Variants in PLEKHG1 observed in about 807,000 individuals in gnomAD.
PLEKHG1 encodes the protein pleckstrin homology domain-containing family G member 1.
In PLEKHG1, 44 loss-of-function variants were observed where a neutral mutation model predicts 100.8. That is an observed-to-expected ratio of 0.44 (90% confidence interval 0.34 to 0.56). PLEKHG1 has a LOEUF of 0.56. PLEKHG1 is among the 20% of genes least tolerant of loss of function. PLEKHG1 has a pLI of 0.01. For missense variants in PLEKHG1, 1,545 were observed against 1,720.9 expected (o/e 0.90, Z 1.81); for synonymous variants, 640 against 662.5 (o/e 0.97, Z 0.52).
chr6:150,604,783 T>C (rs919561622), intron 1 of PLEKHG1, among the ~76,000 whole-genome samples: 3 of 152,216 alleles, frequency 2.0e-5, no homozygotes, highest in Admixed American at 6.5e-5. Context: ...CATTCTACTT[T>C]GAGTTAGATG....
At chr6:150,809,801 G>GGAGGTTACTGTGAGCC in intron 10 of PLEKHG1, 67 bp downstream of exon 11, 1 of 1,201,924 alleles carries the variant, frequency 8.3e-7, no homozygotes, top group East Asian at 2.4e-5. Context: ...CCTGGGAGGT[G>GGAGGTTACTGTGAGCC]GAGGTTACTG....
rs34879645 is a variant in PLEKHG1 at position 150,724,561 on chromosome 6, T to TC, written c.-99+3361_-99+3362insC. Among the ~76,000 whole-genome samples, 59 of 7,758 alleles carry TC rather than the reference T, an allele frequency of 7.6e-3. 1 individual carries two copies. Among genetic ancestry groups the TC allele is most frequent in the Middle Eastern group, 0.062 (1 of 16 alleles). 5.1% of individuals were successfully genotyped at this position (7,758 alleles called of 152,430 possible). A position where few individuals can be genotyped will look rare whatever the true frequency, so the allele number is the denominator to read the frequency against. On this transcript the variant is annotated intron_variant, in intron 1 of 15. Coordinates refer to ENST00000358517, the Ensembl canonical transcript of PLEKHG1. ...CTTTCTTTTCTTTTTTCTTTTTCTT[T>TC]TTTTTTTTTTTTTTTTGAGATGGAG...
Position 150,795,906 on chromosome 6 carries a change from T to C in PLEKHG1, c.629+4T>C. On this transcript the variant is annotated splice_donor_region_variant and intron_variant, in intron 5 of 15. Transcript: ENST00000358517. ...AGTATTGCACTAACTATCCAAGGTATGGATCGAGAATGGGCCAAGAGTACT... is the reference window on the plus strand; with the variant it reads ...AGTATTGCACTAACTATCCAAGGTACGGATCGAGAATGGGCCAAGAGTACT... 1.9e-6 allele frequency: 3 copies of C among 1,579,374 alleles called. No individual in the cohort carries two copies. The highest frequency in any genetic ancestry group is 1.7e-5 in the Admixed American group (1 of 59,930).
In PLEKHG1 at chr6:150,831,396, G is replaced by C; in HGVS notation, c.2285G>C (p.Arg762Pro). 4 of 1,614,130 alleles carry C rather than the reference G, an allele frequency of 2.5e-6. No homozygotes were observed. Among genetic ancestry groups the C allele is most frequent in the Non-Finnish European group, 3.4e-6 (4 of 1,180,040 alleles). ...GGTTTTAAGTGCAGCAGCCTAAAGC[G>C]TGCAAAGCGGAGCACCTTTTTGGGT... The change falls in exon 15 of 16, where the codon CGT becomes CCT. Residue 762 changes from arginine to proline, a missense_variant. Physicochemically the swap from Arg to Pro is moderately radical, Grantham distance 103. Transcript: ENST00000358517. The surrounding 1 kb of genome is among the most constrained non-coding windows in gnomAD (Gnocchi z 4.1).
chr6:150,779,412 C>G (rs1785186913), intron 3 of PLEKHG1, among the ~76,000 whole-genome samples: 1 of 139,950 alleles, frequency 7.1e-6, no homozygotes, highest in African/African-American at 2.8e-5. Flanking sequence ...ATGGCGCGAT[C>G]TCAGCTCTCT....
chr6:150,809,062 G>C, intron 7 of PLEKHG1, 43 bp from the exon 9 acceptor site: 1 of 1,568,274 alleles, frequency 6.4e-7, no homozygotes, highest in Non-Finnish European at 8.7e-7. Flanking sequence ...TTGGTGCCTG[G>C]CTTCTGCCTC....
chr6:150,799,855 C>A (rs545531078), intron 5 of PLEKHG1, among the ~76,000 whole-genome samples: 2 of 152,308 alleles, frequency 1.3e-5, no homozygotes, highest in Non-Finnish European at 2.9e-5. Context: ...ATTATTTCCA[C>A]CTGCTTCCTT....
chr6:150,691,432 T>C (rs1271330160), intron 3 of PLEKHG1, among the ~76,000 whole-genome samples: 2 of 152,240 alleles, frequency 1.3e-5, no homozygotes, highest in Non-Finnish European at 2.9e-5. Context: ...ATATATGGCC[T>C]GTGTAATCTG....
intron 3 of PLEKHG1, among the ~76,000 whole-genome samples, chr6:150,679,723 G>A (rs755114823): frequency 6.6e-6 from 1 of 152,162 alleles, no homozygotes; most frequent in Non-Finnish European, 1.5e-5. Flanking sequence ...AAACACATGC[G>A]CTTTCCCTGC....
At chr6:150,783,375 T>C (rs966680832) in intron 3 of PLEKHG1, among the ~76,000 whole-genome samples, 1 of 149,256 alleles carries the variant, frequency 6.7e-6, no homozygotes, top group Non-Finnish European at 1.5e-5. Flanking sequence ...GATTCTTCTT[T>C]TTTTTTTTTT....
At chr6:150,698,494 A>ATG (rs1780635528) in intron 3 of PLEKHG1, among the ~76,000 whole-genome samples, 1 of 37,498 alleles carries the variant, frequency 2.7e-5, no homozygotes, top group Non-Finnish European at 6.9e-5. Context: ...ATACAATACT[A>ATG]TATATACACA....
At position 150,796,981 on chromosome 6, in the gene PLEKHG1, T is replaced by TTTTTG. The variant is rs200366588; in HGVS notation, c.629+1099_629+1103dup. 2.2e-3 allele frequency among the ~76,000 whole-genome samples: 330 copies of TTTTTG among 152,102 alleles called. 10 individuals carry two copies. The East Asian group carries it at 0.044, about 20-fold the overall frequency. On this transcript the variant is annotated intron_variant, in intron 5 of 15. Transcript: ENST00000358517. Reference sequence around the variant, plus strand: ...TTAGCAGACTTTGAGTTATGGGGTTTTTTTGTTTTGTTTTGTTTTGTTTTT... The same window carrying TTTTTG: ...TTAGCAGACTTTGAGTTATGGGGTTTTTTTGTTTTGTTTTGTTTTGTTTTGTTTTT...
intron 2 of PLEKHG1, among the ~76,000 whole-genome samples, chr6:150,639,205 G>A (rs190324255): frequency 2.6e-5 from 4 of 152,272 alleles, no homozygotes; most frequent in Admixed American, 6.5e-5. Flanking sequence ...TCTTAAAATA[G>A]CAAGACAATA....
chr6:150,671,198 TG>T (rs1779569616), intron 3 of PLEKHG1, among the ~76,000 whole-genome samples: 1 of 152,150 alleles, frequency 6.6e-6, no homozygotes, highest in Non-Finnish European at 1.5e-5. Flanking sequence ...GCTATAAACA[TG>T]CCTGTGTAAG....
chr6:150,837,343 A>G (rs938077689), intron 15 of PLEKHG1, among the ~76,000 whole-genome samples: 1 of 152,238 alleles, frequency 6.6e-6, no homozygotes. Flanking sequence ...GATAGGGCTT[A>G]TGGAGAATCT....
chr6:150,841,938 T>C (rs372720458), exon 16 of PLEKHG1: 5 of 152,338 alleles, frequency 3.3e-5, no homozygotes, highest in African/African-American at 1.2e-4. Flanking sequence ...AGGGCAAGAA[T>C]CTATTTCCTA....
chr6:150,710,692 A>G (rs1399614801), intron 3 of PLEKHG1, among the ~76,000 whole-genome samples: 38 of 152,190 alleles, frequency 2.5e-4, no homozygotes, highest in Admixed American at 2.5e-3. Flanking sequence ...TTGCCCAGAA[A>G]AAAAAAATCT....
intron 2 of PLEKHG1, among the ~76,000 whole-genome samples, chr6:150,757,629 C>T (rs1212916446): frequency 6.6e-6 from 1 of 152,044 alleles, no homozygotes; most frequent in Non-Finnish European, 1.5e-5. Flanking sequence ...TACACACACT[C>T]CTGTGTGAAG....
Position 150,600,898 on chromosome 6 carries a change from C to T in PLEKHG1, c.-204+881C>T, listed in dbSNP as rs557873588. ...GAGCGGGGTTTGTAAGCCGGCGTTT[C>T]ATCCAGCTCTGGTCCTCAAGGCGCC... On this transcript the variant is annotated intron_variant, in intron 1 of 3. Coordinates refer to the PLEKHG1 transcript ENST00000367326. The surrounding 1 kb of genome is among the most constrained non-coding windows in gnomAD (Gnocchi z 6.2). 2 of 152,328 alleles carry T rather than the reference C, an allele frequency of 1.3e-5. No homozygotes were observed. The highest frequency in any genetic ancestry group is 4.8e-5 in the African/African-American group (2 of 41,586). 9.4% of individuals were successfully genotyped at this position (152,328 alleles called of 1,614,324 possible).
Sources: gnomAD v4.1 joint callset for allele counts (sites outside exome capture counted in the v4.1 genomes callset) on GRCh38, gnomAD v4.1.1 for gene constraint, Gnocchi (gnomAD v3.1) non-coding constraint, MANE v1.5 for transcripts, NCBI Gene and HGNC (gene_info 2026-07-23, HGNC 2026-07-21) for gene names.